KAZN: variants seen among roughly 807,000 people sequenced by gnomAD.
The protein encoded by KAZN is kazrin, periplakin interacting protein.
In KAZN, 40 loss-of-function variants were observed where a neutral mutation model predicts 87.4. The observed-to-expected ratio is 0.46, with a 90% CI of 0.36 to 0.60. The LOEUF (loss-of-function observed/expected upper bound fraction) is 0.60. Among genes scored for constraint, KAZN ranks in the 20% least tolerant of loss-of-function variants. The pLI, the probability that KAZN is intolerant of heterozygous loss-of-function variation, is 0.00. For synonymous variants in KAZN, 466 were observed against 458.3 expected (o/e 1.02, Z -0.22); for missense variants, 898 against 1,073.9 (o/e 0.84, Z 2.29).
At chr1:13,893,612 C>T in exon 1 of KAZN, 2 of 1,545,836 alleles carry the variant, frequency 1.3e-6, no homozygotes, top group Non-Finnish European at 1.7e-6. Flanking sequence ...TGCTCTGACA[C>T]TCCAAGGGTC....
At chr1:14,496,893 G>C (rs1471629787) in intron 2 of KAZN, among the ~76,000 whole-genome samples, 2 of 152,182 alleles carry the variant, frequency 1.3e-5, no homozygotes, top group East Asian at 1.9e-4. Context: ...GGAAGCAGCT[G>C]CAGAAATACC....
Position 14,739,898 on chromosome 1 carries a change from A to G in KAZN, c.226+140675A>G, listed in dbSNP as rs1388029994. On this transcript the variant is annotated intron_variant, in intron 1 of 14. Transcript: ENST00000376030. ...TGCTCTGGGATTTCTACAAGCAGAA[A>G]GGAGAATTATTTTCGTGATTCAGAG... is the stretch of plus-strand genomic sequence containing the variant. 2.0e-5 allele frequency among the ~76,000 whole-genome samples: 3 copies of G among 152,140 alleles called. No homozygotes were observed. In the East Asian group the frequency reaches 5.8e-4, roughly 29 times the overall value.
intron 2 of KAZN, among the ~76,000 whole-genome samples, chr1:14,534,371 G>A (rs746354983): frequency 2.0e-5 from 3 of 152,196 alleles, no homozygotes; most frequent in Non-Finnish European, 4.4e-5. Flanking sequence ...CTGGCTGGGT[G>A]CAATGACTCA....
rs139544753 is a variant in KAZN, at chr1:14,675,308, G to A, written c.226+76085G>A. On this transcript the variant is annotated intron_variant, in intron 1 of 14. Coordinates refer to ENST00000376030, the MANE Select transcript of KAZN (RefSeq NM_201628.3). ...TTGAACTGGAAGTCAAGTTCTCAGA[G>A]TGCGTCTGGGATACTCAGCATCAGG... Among the ~76,000 whole-genome samples, 4 of 152,358 alleles carry A rather than the reference G, an allele frequency of 2.6e-5. No individual in the cohort carries two copies. The East Asian group carries it at 7.7e-4, about 29-fold the overall frequency.
intron 1 of KAZN, among the ~76,000 whole-genome samples, chr1:14,707,149 A>G (rs1465701601): frequency 6.6e-6 from 1 of 152,102 alleles, no homozygotes; most frequent in Non-Finnish European, 1.5e-5. Flanking sequence ...TGTAAAATGG[A>G]TTTTCAGTAC....
At chr1:14,648,700 G>A (rs533171470) in intron 1 of KAZN, among the ~76,000 whole-genome samples, 1 of 152,254 alleles carries the variant, frequency 6.6e-6, no homozygotes, top group Non-Finnish European at 1.5e-5. Flanking sequence ...TTCAAGGGGT[G>A]GTTCCTTCCG....
intron 1 of KAZN, among the ~76,000 whole-genome samples, chr1:13,964,684 G>A (rs983597384): frequency 2.0e-5 from 3 of 152,206 alleles, no homozygotes; most frequent in Non-Finnish European, 4.4e-5. Context: ...CTACTGGGTG[G>A]CATGACATCC....
intron 2 of KAZN, among the ~76,000 whole-genome samples, chr1:14,411,087 A>G (rs886587190): frequency 2.0e-5 from 3 of 152,214 alleles, no homozygotes; most frequent in African/African-American, 7.2e-5. Flanking sequence ...ACAACTAGGC[A>G]CACTCCAGTG....
intron 2 of KAZN, among the ~76,000 whole-genome samples, chr1:14,201,279 A>G (rs1368060008): frequency 2.0e-5 from 3 of 152,102 alleles, no homozygotes; most frequent in African/African-American, 4.8e-5. Context: ...TTCCAACTCC[A>G]ACTCAAAGTT....
At chr1:14,346,704 A>G (rs1658135329) in intron 2 of KAZN, among the ~76,000 whole-genome samples, 1 of 152,152 alleles carries the variant, frequency 6.6e-6, no homozygotes, top group African/African-American at 2.4e-5. Context: ...GATGTTCAGA[A>G]AGCCCCAGGC....
intron 1 of KAZN, among the ~76,000 whole-genome samples, chr1:14,893,459 A>T (rs992494990): frequency 6.6e-6 from 1 of 152,230 alleles, no homozygotes; most frequent in African/African-American, 2.4e-5. Flanking sequence ...GAAGTAGGTC[A>T]CGGGGGCTTC....
At chr1:14,733,372 GAGA>G (rs1414515313) in intron 1 of KAZN, among the ~76,000 whole-genome samples, 10 of 152,286 alleles carry the variant, frequency 6.6e-5, no homozygotes, top group Admixed American at 6.5e-4. Context: ...AATGGGAACA[GAGA>G]AGTTCTTTCC....
rs1356816944 is a variant in KAZN, at chr1:14,682,054, A to C, written c.226+82831A>C. 3.3e-5 allele frequency among the ~76,000 whole-genome samples: 5 copies of C among 151,932 alleles called. No homozygotes were observed. In the East Asian group the frequency reaches 9.8e-4, roughly 30 times the overall value. ...ACATCCACATTGTTGCGCAACCATCATCACTATCCATCTCCAGAACGTTTT... is the reference window on the plus strand; with the variant it reads ...ACATCCACATTGTTGCGCAACCATCCTCACTATCCATCTCCAGAACGTTTT... On this transcript the variant is annotated intron_variant, in intron 1 of 14. Coordinates refer to ENST00000376030, the MANE Select transcript of KAZN (RefSeq NM_201628.3).
intron 2 of KAZN, among the ~76,000 whole-genome samples, chr1:15,032,256 G>A (rs530154094): frequency 9.9e-5 from 14 of 140,904 alleles, no homozygotes; most frequent in Middle Eastern, 3.8e-3. Context: ...GCAGTGGCGC[G>A]ATCTTGGCTC....
At chr1:13,985,824 C>G (rs1638989656) in intron 1 of KAZN, among the ~76,000 whole-genome samples, 1 of 152,162 alleles carries the variant, frequency 6.6e-6, no homozygotes, top group Non-Finnish European at 1.5e-5. Flanking sequence ...ATAATGCTTT[C>G]AAGGTTTACC....
chr1:14,144,870 C>T (rs1645312932), intron 1 of KAZN, among the ~76,000 whole-genome samples: 1 of 152,114 alleles, frequency 6.6e-6, no homozygotes, highest in South Asian at 2.1e-4. Flanking sequence ...ACACACTCAC[C>T]CCACAGGAAA....
At chr1:14,176,414 A>T (rs920870251) in intron 1 of KAZN, among the ~76,000 whole-genome samples, 10 of 151,994 alleles carry the variant, frequency 6.6e-5, no homozygotes, top group Non-Finnish European at 1.3e-4. Flanking sequence ...CACCATTTCC[A>T]CCCCAATATC....
chr1:14,499,283 G>A lies in KAZN; in HGVS notation c.250-99700G>A, dbSNP rs1055928262. Among the ~76,000 whole-genome samples the A allele has an allele frequency of 4.6e-5, 7 of 152,144 alleles. No individual in the cohort carries two copies. The East Asian group carries it at 5.8e-4, about 13-fold the overall frequency. ...AAAAGAAAGCTTAGATGCAGAGACC[G>A]CTTCTACAATCCCCATCACTGCTAA... On this transcript the variant is annotated intron_variant, in intron 2 of 16. Transcript: ENST00000636203.
At chr1:14,863,248 G>A (rs1398437414) in intron 1 of KAZN, among the ~76,000 whole-genome samples, 2 of 152,220 alleles carry the variant, frequency 1.3e-5, no homozygotes, top group Non-Finnish European at 2.9e-5. Context: ...CCCCGGGAAT[G>A]TACAGAGGGT....
Sources: allele counts gnomAD v4.1 joint callset (sites outside exome capture counted in the v4.1 genomes callset), GRCh38; gene constraint gnomAD v4.1.1; transcripts MANE v1.5; gene names NCBI Gene and HGNC (gene_info 2026-07-23, HGNC 2026-07-21).